Variants in MAN2A1 observed in about 807,000 individuals in gnomAD.
MAN2A1 encodes mannosidase alpha class 2A member 1, also known as alpha-mannosidase 2.
Under a neutral mutation model 142.6 loss-of-function variants are expected in MAN2A1, and 76 were observed. The ratio of observed to expected loss-of-function variants is 0.53; its 90% CI spans 0.44 to 0.65. MAN2A1 has a LOEUF of 0.65. Ranked by LOEUF, MAN2A1 falls within the 30% of genes least tolerant of loss-of-function variation. The pLI is 0.00. For missense variants in MAN2A1, 1,311 were observed against 1,365.1 expected, an observed-to-expected ratio of 0.96 and a Z score of 0.62; for synonymous variants, 559 against 473.2, an observed-to-expected ratio of 1.18 and a Z score of -2.35.
chr5:109,824,763 C>G (rs1273538700), intron 16 of MAN2A1, among the ~76,000 whole-genome samples: 1 of 152,098 alleles, frequency 6.6e-6, no homozygotes, highest in Non-Finnish European at 1.5e-5. Flanking sequence ...CAAAGGGATA[C>G]TATGTTCAGG....
rs567063356 is a variant in MAN2A1 at position 109,763,346 on chromosome 5, A to G, written c.836-4189A>G. Among the ~76,000 whole-genome samples the G allele has an allele frequency of 3.7e-4, 56 of 152,276 alleles. No homozygotes were observed. In the South Asian group the frequency reaches 0.011, roughly 30 times the overall value. On this transcript the variant is annotated intron_variant, in intron 5 of 21. Transcript: ENST00000261483. ...CACTACATGTTCCATAAAGCTGAGA[A>G]AAGCCAGGTTCAGGGAGATTTTCCC...
intron 15 of MAN2A1, among the ~76,000 whole-genome samples, chr5:109,822,135 T>G (rs974109255): frequency 1.3e-5 from 2 of 151,270 alleles, no homozygotes; most frequent in African/African-American, 2.4e-5. Context: ...TGTTTGTTTT[T>G]GTTTTTGGTT....
chr5:109,841,229 T>A (rs1006147359), intron 16 of MAN2A1, among the ~76,000 whole-genome samples: 2 of 152,154 alleles, frequency 1.3e-5, no homozygotes, highest in Non-Finnish European at 1.5e-5. Flanking sequence ...TTTGTGAAAT[T>A]TTGGTGCACC....
intron 10 of MAN2A1, among the ~76,000 whole-genome samples, chr5:109,785,399 A>G (rs1753571328): frequency 6.6e-6 from 1 of 151,742 alleles, no homozygotes; most frequent in African/African-American, 2.4e-5. Context: ...TGAGAAGCAT[A>G]GCCAGGAAGG....
At chr5:109,747,852 C>A (rs911845693) in intron 4 of MAN2A1, among the ~76,000 whole-genome samples, 3 of 152,102 alleles carry the variant, frequency 2.0e-5, no homozygotes, top group Non-Finnish European at 4.4e-5. Flanking sequence ...TGCTGTTTTC[C>A]ATACTACTGT....
intron 15 of MAN2A1, 36 bp from the exon 16 acceptor site, chr5:109,823,686 CA>C (rs772854912): frequency 9.1e-7 from 1 of 1,095,960 alleles, no homozygotes. Context: ...GTTTGGAAGC[CA>C]AAATATTTTT....
intron 14 of MAN2A1, 24 bp from the exon 15 acceptor site, chr5:109,820,193 CTTA>C: frequency 1.3e-6 from 2 of 1,575,014 alleles, no homozygotes; most frequent in South Asian, 1.1e-5. Context: ...TGGTGAGTTG[CTTA>C]TTATTATTTT....
intron 19 of MAN2A1, among the ~76,000 whole-genome samples, chr5:109,849,209 TA>T (rs1022632170): frequency 1.6e-4 from 25 of 152,328 alleles, no homozygotes; most frequent in African/African-American, 6.0e-4. Flanking sequence ...TCTTATTTTT[TA>T]TGCTATCCCT....
chr5:109,710,232 G>A (rs1276797023), intron 1 of MAN2A1, among the ~76,000 whole-genome samples: 1 of 152,098 alleles, frequency 6.6e-6, no homozygotes, highest in East Asian at 1.9e-4. Context: ...TTTAATGGCT[G>A]TAGGATCCTT....
intron 8 of MAN2A1, among the ~76,000 whole-genome samples, chr5:109,779,606 G>A (rs982920038): frequency 6.6e-6 from 1 of 150,772 alleles, no homozygotes; most frequent in Admixed American, 6.6e-5. Flanking sequence ...CTTCTTCCTA[G>A]TAATGCTTGT....
chr5:109,825,752 T>C (rs1187006976), intron 16 of MAN2A1, among the ~76,000 whole-genome samples: 1 of 152,048 alleles, frequency 6.6e-6, no homozygotes, highest in African/African-American at 2.4e-5. Context: ...CAGTGGCTAA[T>C]AGTGTTAAGC....
chr5:109,751,781 T>C (rs533396218), intron 4 of MAN2A1, among the ~76,000 whole-genome samples: 1 of 152,248 alleles, frequency 6.6e-6, no homozygotes, highest in South Asian at 2.1e-4. Flanking sequence ...TTATTATTTT[T>C]GTCATTTAAC....
At chr5:109,785,574 A>G (rs78399531) in intron 10 of MAN2A1, among the ~76,000 whole-genome samples, 2,940 of 152,152 alleles carry the variant, frequency 0.019, 49 homozygotes, top group Non-Finnish European at 0.029. Flanking sequence ...CTTTGAAACA[A>G]TGAGTATAGG....
intron 5 of MAN2A1, among the ~76,000 whole-genome samples, chr5:109,766,840 T>C (rs1753006198): frequency 1.3e-5 from 2 of 152,194 alleles, no homozygotes; most frequent in African/African-American, 4.8e-5. Context: ...TATTATCTTT[T>C]TCATTTTTAT....
At chr5:109,738,658 A>C (rs1752177482) in intron 4 of MAN2A1, among the ~76,000 whole-genome samples, 1 of 152,148 alleles carries the variant, frequency 6.6e-6, no homozygotes, top group Non-Finnish European at 1.5e-5. Flanking sequence ...ATTGAAACCA[A>C]TTTTATTTGG....
intron 1 of MAN2A1, 87 bp downstream of exon 1, chr5:109,690,639 C>T (rs1582788323): frequency 7.0e-7 from 1 of 1,435,560 alleles, no homozygotes; most frequent in Admixed American, 2.0e-5. Flanking sequence ...CTCTTCCTCC[C>T]GCCGCGGCCC....
intron 8 of MAN2A1, among the ~76,000 whole-genome samples, chr5:109,778,025 G>A (rs998416466): frequency 5.3e-5 from 8 of 151,658 alleles, no homozygotes; most frequent in Admixed American, 5.3e-4. Context: ...AAATTGCATT[G>A]GTTACTGTTA....
chr5:109,750,882 G>T (rs1056414898), intron 4 of MAN2A1, among the ~76,000 whole-genome samples: 1 of 151,846 alleles, frequency 6.6e-6, no homozygotes, highest in South Asian at 2.1e-4. Flanking sequence ...CATATTTATG[G>T]GGTATAGGTG....
chr5:109,828,731 T>C lies in MAN2A1; in HGVS notation c.2566+4894T>C, dbSNP rs115791318. Among the ~76,000 whole-genome samples, 664 of 152,342 alleles carry C rather than the reference T, an allele frequency of 4.4e-3. 7 individuals are homozygous for C. The highest frequency in any genetic ancestry group is 0.015 in the African/African-American group (644 of 41,570). ...CTTAAATGCAATACTTCTGCCCTGT[T>C]TTCCACCAACATATTATAAAGTATT... On this transcript the variant is annotated intron_variant, in intron 16 of 21. Transcript: ENST00000261483.
Sources: gnomAD v4.1 joint callset for allele counts (sites outside exome capture counted in the v4.1 genomes callset) on GRCh38, gnomAD v4.1.1 for gene constraint, MANE v1.5 for transcripts, NCBI Gene and HGNC (gene_info 2026-07-23, HGNC 2026-07-21) for gene names.